The following VWA8 variants were observed in gnomAD, a reference collection of about 807,000 sequenced individuals.
VWA8 encodes the protein von Willebrand factor A domain-containing protein 8.
A neutral mutation model predicts 241.5 loss-of-function variants in VWA8; 221 were observed. That is an observed-to-expected ratio of 0.91 (90% CI 0.82 to 1.02). VWA8 has a LOEUF of 1.02. Ranked by LOEUF, VWA8 falls within the 50% of genes least tolerant of loss-of-function variation. The probability of loss-of-function intolerance (pLI) is 0.00; values close to 1 mark genes in which losing one functional copy is unlikely to be tolerated. For missense variants in VWA8, 2,322 were observed against 2,328.7 expected (o/e 1.00, Z 0.06); for synonymous variants, 852 against 827.1 (o/e 1.03, Z -0.52).
intron 22 of VWA8, among the ~76,000 whole-genome samples, chr13:41,731,292 A>T (rs1486430485): frequency 6.6e-6 from 1 of 151,990 alleles, no homozygotes; most frequent in Non-Finnish European, 1.5e-5. Context: ...GCAGGCTGAG[A>T]TTTCTTTAGG....
At chr13:41,635,088 A>C (rs2044748682) in intron 37 of VWA8, among the ~76,000 whole-genome samples, 2 of 152,204 alleles carry the variant, frequency 1.3e-5, no homozygotes, top group Non-Finnish European at 1.5e-5. Flanking sequence ...AATGCAATTC[A>C]AGTACACTGT....
At position 41,615,069 on chromosome 13, in the gene VWA8, C is replaced by A; in HGVS notation, c.4627G>T (p.Asp1543Tyr). 2.5e-6 allele frequency: 4 copies of A among 1,613,858 alleles called. No homozygotes were observed. Among genetic ancestry groups the A allele is most frequent in the Non-Finnish European group, 3.4e-6 (4 of 1,179,914 alleles). ...DRNMQITINRDSGEDVSSPKH... is the reference protein window; with the variant it reads ...DRNMQITINRYSGEDVSSPKH... Reference sequence around the variant, plus strand: ...GGGGAGCTTACATCTTCACCACTGTCTCTGTTGATTGTTATCTAAAAATGA... The same window carrying A: ...GGGGAGCTTACATCTTCACCACTGTATCTGTTGATTGTTATCTAAAAATGA... The change falls in exon 38 of 45, where the codon GAC (aspartate) becomes TAC (tyrosine). Residue 1543 changes from aspartate (D) to tyrosine (Y), a missense_variant. Coordinates refer to ENST00000379310, the MANE Select transcript of VWA8 (RefSeq NM_015058.2).
chr13:41,672,964 T>C (rs1453976636), intron 36 of VWA8, among the ~76,000 whole-genome samples: 1 of 152,198 alleles, frequency 6.6e-6, no homozygotes, highest in Admixed American at 6.5e-5. Flanking sequence ...TTGTCACTAC[T>C]TAACTCTTCA....
chr13:41,694,450 T>C (rs1051261071), intron 29 of VWA8, among the ~76,000 whole-genome samples: 7 of 152,034 alleles, frequency 4.6e-5, no homozygotes, highest in African/African-American at 1.7e-4. Context: ...ATTAAGAATG[T>C]GTGTTAGAAA....
intron 2 of VWA8, among the ~76,000 whole-genome samples, chr13:41,943,287 T>C (rs1458376375): frequency 1.3e-5 from 2 of 152,310 alleles, no homozygotes; most frequent in Non-Finnish European, 2.9e-5. Context: ...GAATTATCAC[T>C]ATAGATTCTA....
chr13:41,714,045 A>C (rs955119821), intron 26 of VWA8, among the ~76,000 whole-genome samples: 1 of 152,074 alleles, frequency 6.6e-6, no homozygotes, highest in Non-Finnish European at 1.5e-5. Context: ...CACAGGAAAA[A>C]GTCTAGAAGG....
chr13:41,769,847 C>T (rs1057080321), intron 20 of VWA8, among the ~76,000 whole-genome samples: 1 of 152,128 alleles, frequency 6.6e-6, no homozygotes, highest in Non-Finnish European at 1.5e-5. Flanking sequence ...CTAAGACATA[C>T]AAATATTACT....
chr13:41,736,079 G>T (rs2045522634), intron 21 of VWA8, among the ~76,000 whole-genome samples: 1 of 152,080 alleles, frequency 6.6e-6, no homozygotes, highest in Admixed American at 6.5e-5. Context: ...CTAGGGAGAA[G>T]AAAACTTAAA....
chr13:41,749,845 A>C (rs1443446352), intron 21 of VWA8, among the ~76,000 whole-genome samples: 1 of 134,244 alleles, frequency 7.4e-6, no homozygotes, highest in Non-Finnish European at 1.6e-5. Context: ...GGACACAGGA[A>C]GGGGAACATC....
intron 12 of VWA8, among the ~76,000 whole-genome samples, chr13:41,847,338 A>G (rs556728054): frequency 6.6e-6 from 1 of 152,340 alleles, no homozygotes; most frequent in Admixed American, 6.5e-5. Flanking sequence ...CAGTGCATCA[A>G]AAACGCTTTC....
intron 39 of VWA8, among the ~76,000 whole-genome samples, chr13:41,605,552 G>A (rs1279276034): frequency 6.6e-6 from 1 of 152,120 alleles, no homozygotes; most frequent in Non-Finnish European, 1.5e-5. Context: ...TTGCCACCAT[G>A]ATCAGTTACA....
chr13:41,721,259 C>T, intron 25 of VWA8, 111 bp downstream of exon 25: 1 of 1,072,144 alleles, frequency 9.3e-7, no homozygotes. Flanking sequence ...ATCATGTAAT[C>T]TGACTCATTA....
At chr13:41,611,822 G>A (rs929781540) in intron 38 of VWA8, 90 bp from the exon 39 acceptor site, 4 of 1,436,656 alleles carry the variant, frequency 2.8e-6, no homozygotes, top group Non-Finnish European at 3.8e-6. Flanking sequence ...GCCTTGTGGA[G>A]GATATTAATT....
chr13:41,952,022 A>G (rs77039278), intron 1 of VWA8, among the ~76,000 whole-genome samples: 2,293 of 152,280 alleles, frequency 0.015, 54 homozygotes, highest in African/African-American at 0.052. Context: ...AAAGCCTGCA[A>G]AGCTCCTCCA....
intron 9 of VWA8, among the ~76,000 whole-genome samples, chr13:41,871,503 T>C (rs1463970368): frequency 2.0e-5 from 3 of 152,198 alleles, no homozygotes; most frequent in African/African-American, 7.2e-5. Flanking sequence ...CCCCTTCCTG[T>C]GTCCATGTGT....
chr13:41,574,937 A>G lies in VWA8; in HGVS notation c.5370+803T>C, dbSNP rs577443367. The stretch of plus-strand genomic sequence containing the variant: ...TACCCAAAGGAAAAGAAGTCATTAT[A>G]TTAATATGAAAAAGACAACATGCAC... On this transcript the variant is annotated intron_variant, in intron 43 of 44. Coordinates refer to ENST00000379310, the MANE Select transcript of VWA8 (RefSeq NM_015058.2). 4.3e-4 allele frequency among the ~76,000 whole-genome samples: 65 copies of G among 152,348 alleles called. 1 individual carries two copies. The highest frequency in any genetic ancestry group is 3.8e-3 in the Admixed American group (58 of 15,304).
intron 9 of VWA8, among the ~76,000 whole-genome samples, chr13:41,881,984 C>G (rs975901826): frequency 3.3e-5 from 5 of 150,358 alleles, no homozygotes; most frequent in African/African-American, 9.8e-5. Context: ...ACTGCCGGGA[C>G]GGAGGGGCTC....
intron 43 of VWA8, among the ~76,000 whole-genome samples, chr13:41,574,909 A>G (rs1024307111): frequency 1.3e-5 from 2 of 152,228 alleles, no homozygotes; most frequent in South Asian, 2.1e-4. Context: ...ATTAATAGGT[A>G]TCTACCCAAA....
intron 37 of VWA8, among the ~76,000 whole-genome samples, chr13:41,637,268 A>G (rs112296924): frequency 0.032 from 4,816 of 151,452 alleles, 244 homozygotes; most frequent in African/African-American, 0.11. Context: ...TTGTAGGGAC[A>G]TGGATGAAGC....
Sources: gnomAD v4.1 joint callset for allele counts (sites outside exome capture counted in the v4.1 genomes callset) on GRCh38, gnomAD v4.1.1 for gene constraint, MANE v1.5 for transcripts, NCBI Gene and HGNC (gene_info 2026-07-23, HGNC 2026-07-21) for gene names.